POLR3B: variants seen among roughly 807,000 people sequenced by gnomAD.
The protein encoded by POLR3B is RNA polymerase III subunit B.
POLR3B carries 96 observed loss-of-function variants against 147.4 expected under a neutral mutation model. That is an observed-to-expected ratio of 0.65 (90% confidence interval 0.55 to 0.77). The LOEUF (loss-of-function observed/expected upper bound fraction) is 0.77, where lower values mean the gene tolerates loss of function less well. Among genes scored for constraint, POLR3B ranks in the 30% least tolerant of loss-of-function variants. The pLI is 0.00. For synonymous variants in POLR3B, 461 were observed against 485.9 expected (o/e 0.95, Z 0.67); for missense variants, 1,036 against 1,413.5 (o/e 0.73, Z 4.28).
intron 10 of POLR3B, among the ~76,000 whole-genome samples, chr12:106,403,234 G>C (rs1226253057): frequency 2.0e-5 from 3 of 151,776 alleles, no homozygotes; most frequent in Non-Finnish European, 4.4e-5. Context: ...GGCCATCAGA[G>C]AAATGCAAAT....
intron 26 of POLR3B, among the ~76,000 whole-genome samples, chr12:106,502,251 T>A (rs368249358): frequency 6.6e-6 from 1 of 152,124 alleles, no homozygotes; most frequent in East Asian, 1.9e-4. Flanking sequence ...CAGCTCAGTA[T>A]GTCAGCGGTG....
chr12:106,438,190 C>T (rs1006766325), intron 18 of POLR3B, among the ~76,000 whole-genome samples: 1 of 152,158 alleles, frequency 6.6e-6, no homozygotes, highest in African/African-American at 2.4e-5. Flanking sequence ...CTTCCAGCTT[C>T]ATCCATGTCT....
chr12:106,392,214 G>A (rs1399535571), intron 9 of POLR3B, among the ~76,000 whole-genome samples: 1 of 152,080 alleles, frequency 6.6e-6, no homozygotes, highest in African/African-American at 2.4e-5. Context: ...CCAGGCTGGA[G>A]TGCAATGGCA....
At chr12:106,402,700 A>C (rs1472135620) in intron 10 of POLR3B, among the ~76,000 whole-genome samples, 7 of 152,288 alleles carry the variant, frequency 4.6e-5, no homozygotes, top group African/African-American at 9.6e-5. Context: ...CAAAAACAAG[A>C]AATGGGGAAA....
intron 18 of POLR3B, among the ~76,000 whole-genome samples, chr12:106,438,679 A>G (rs2037610958): frequency 1.3e-5 from 2 of 152,110 alleles, no homozygotes; most frequent in South Asian, 4.1e-4. Context: ...ATTTTTTAAA[A>G]GGAGTTGCTT....
At chr12:106,470,321 C>T (rs537629332) in intron 23 of POLR3B, among the ~76,000 whole-genome samples, 1 of 152,256 alleles carries the variant, frequency 6.6e-6, no homozygotes, top group South Asian at 2.1e-4. Flanking sequence ...AAGCTCTTCT[C>T]TACACTGATT....
chr12:106,388,360 C>T (rs1485494262), intron 9 of POLR3B, among the ~76,000 whole-genome samples: 2 of 151,938 alleles, frequency 1.3e-5, no homozygotes, highest in African/African-American at 2.4e-5. Flanking sequence ...GCTCTGTCAC[C>T]AGGCTAGAGT....
chr12:106,357,806 A>C lies in POLR3B; in HGVS notation c.-74A>C. ...AGGCCTCCGCGCACCGTTCGCCGGG[A>C]GTCTTGCAGTTTGCTTGGTGCAGGG... is the stretch of plus-strand genomic sequence containing the variant. On this transcript the variant is annotated 5_prime_UTR_variant, in exon 1 of 28. Transcript: ENST00000228347. 7.1e-7 allele frequency: 1 copy of C among 1,414,598 alleles called. No individual in the cohort carries two copies. The highest frequency in any genetic ancestry group is 9.8e-7 in the Non-Finnish European group (1 of 1,015,468). The allele number at this position is 1,414,598 out of a possible 1,614,324, so 87.6% of individuals were successfully genotyped here.
rs142038670 is a variant in POLR3B at position 106,384,225 on chromosome 12, G to T, written c.723+4086G>T. On this transcript the variant is annotated intron_variant, in intron 9 of 27. Coordinates refer to ENST00000228347, the MANE Select transcript of POLR3B (RefSeq NM_018082.6). The stretch of plus-strand genomic sequence containing the variant: ...CAATAAAGCAAAGCATGATAAAAAT[G>T]ATATGTACCTGTAGTTACATAGCAG... Among the ~76,000 whole-genome samples the T allele has an allele frequency of 7.7e-3, 1,178 of 152,242 alleles. 16 individuals carry two copies. The highest frequency in any genetic ancestry group is 0.027 in the African/African-American group (1,130 of 41,550).
intron 6 of POLR3B, among the ~76,000 whole-genome samples, chr12:106,371,473 T>G (rs1280258990): frequency 6.6e-6 from 1 of 151,992 alleles, no homozygotes; most frequent in Non-Finnish European, 1.5e-5. Flanking sequence ...CATGCTGCTA[T>G]AAAGACACAT....
chr12:106,437,156 C>T (rs371248893), intron 17 of POLR3B, 25 bp downstream of exon 17: 10 of 1,472,700 alleles, frequency 6.8e-6, no homozygotes, highest in African/African-American at 1.4e-5. Context: ...GTAAAACTTA[C>T]CAATCTCCTT....
intron 12 of POLR3B, among the ~76,000 whole-genome samples, chr12:106,423,037 T>C (rs1295577101): frequency 6.6e-6 from 1 of 152,200 alleles, no homozygotes; most frequent in African/African-American, 2.4e-5. Context: ...GATTTATTTC[T>C]AAGTTTTTAA....
At chr12:106,365,977 C>T (rs2036531181) in intron 2 of POLR3B, among the ~76,000 whole-genome samples, 1 of 152,060 alleles carries the variant, frequency 6.6e-6, no homozygotes, top group Admixed American at 6.6e-5. Context: ...ACTGGAGGGT[C>T]TTCATGGACA....
intron 26 of POLR3B, among the ~76,000 whole-genome samples, chr12:106,502,687 C>T (rs1331031254): frequency 6.6e-6 from 1 of 151,976 alleles, no homozygotes; most frequent in East Asian, 1.9e-4. Flanking sequence ...AGCACATGCA[C>T]GTGTCTGTTG....
At chr12:106,364,288 TC>T (rs1355057822) in intron 2 of POLR3B, among the ~76,000 whole-genome samples, 1 of 152,196 alleles carries the variant, frequency 6.6e-6, no homozygotes, top group Non-Finnish European at 1.5e-5. Flanking sequence ...AAGAGGAGCC[TC>T]CACAGAGTCT....
chr12:106,501,907 G>A (rs1351542446), intron 26 of POLR3B, among the ~76,000 whole-genome samples: 2 of 152,204 alleles, frequency 1.3e-5, no homozygotes, highest in African/African-American at 4.8e-5. Context: ...ATTTGAGTAA[G>A]CTAGAGGAGG....
intron 9 of POLR3B, among the ~76,000 whole-genome samples, chr12:106,382,748 C>T (rs1386946001): frequency 6.6e-6 from 1 of 152,178 alleles, no homozygotes; most frequent in Non-Finnish European, 1.5e-5. Flanking sequence ...ATTGGTAGGG[C>T]ACATGCAGAG....
intron 9 of POLR3B, among the ~76,000 whole-genome samples, chr12:106,388,752 A>G (rs990711229): frequency 1.4e-4 from 21 of 152,228 alleles, no homozygotes; most frequent in African/African-American, 5.1e-4. Context: ...GAGATTTCTG[A>G]ATATTAGATA....
At chr12:106,502,782 C>T (rs114727563) in intron 26 of POLR3B, among the ~76,000 whole-genome samples, 2,521 of 152,212 alleles carry the variant, frequency 0.017, 72 homozygotes, top group African/African-American at 0.058. Flanking sequence ...GCAATGGTAC[C>T]GTAATTGGGT....
Sources: allele counts gnomAD v4.1 joint callset (sites outside exome capture counted in the v4.1 genomes callset), GRCh38; gene constraint gnomAD v4.1.1; transcripts MANE v1.5; gene names NCBI Gene and HGNC (gene_info 2026-07-23, HGNC 2026-07-21).